The following NFAT5 variants were observed in gnomAD, a reference collection of about 807,000 sequenced individuals.
NFAT5 encodes nuclear factor of activated T cells 5.
In NFAT5, 31 loss-of-function variants were observed where a neutral mutation model predicts 166.5. That is an observed-to-expected ratio of 0.19 (90% CI 0.14 to 0.25). The LOEUF (loss-of-function observed/expected upper bound fraction) is 0.25. Ranked by LOEUF, NFAT5 falls within the 10% of genes least tolerant of loss-of-function variation. NFAT5 has a pLI of 1.00. For missense variants in NFAT5, 1,449 were observed against 1,821.8 expected (o/e 0.80, Z 3.72); for synonymous variants, 612 against 639.7 (o/e 0.96, Z 0.65).
At chr16:69,691,479 C>T (rs2037542529) in intron 12 of NFAT5, among the ~76,000 whole-genome samples, 1 of 152,112 alleles carries the variant, frequency 6.6e-6, no homozygotes, top group Admixed American at 6.5e-5. Context: ...TCTGATTACC[C>T]TTAATTCACC....
chr16:69,618,387 A>T (rs1224800202), intron 2 of NFAT5, among the ~76,000 whole-genome samples: 1 of 152,214 alleles, frequency 6.6e-6, no homozygotes. Context: ...GTTAAGACAG[A>T]GCATTACCTA....
chr16:69,607,265 C>G (rs2033460979), intron 2 of NFAT5, among the ~76,000 whole-genome samples: 1 of 152,188 alleles, frequency 6.6e-6, no homozygotes, highest in Admixed American at 6.5e-5. Context: ...GACATGCTGC[C>G]TACCTCTTAT....
At chr16:69,569,769 A>G (rs1391454957) in intron 2 of NFAT5, among the ~76,000 whole-genome samples, 1 of 152,224 alleles carries the variant, frequency 6.6e-6, no homozygotes, top group East Asian at 1.9e-4. Context: ...TTTAGAGCAT[A>G]TAAAATGTTC....
chr16:69,664,956 G>A (rs1339702005), intron 7 of NFAT5, among the ~76,000 whole-genome samples: 1 of 152,148 alleles, frequency 6.6e-6, no homozygotes. Flanking sequence ...GAACCTGGGA[G>A]GTGGAGGTTG....
At chr16:69,677,011 A>G in intron 9 of NFAT5, 192 bp from the exon 10 acceptor site, 1 of 527,896 alleles carries the variant, frequency 1.9e-6, no homozygotes, top group Non-Finnish European at 3.2e-6. Flanking sequence ...GCCATTATAA[A>G]ACACTTGGAT....
chr16:69,634,277 CAAAAAAAA>C (rs745354566), intron 3 of NFAT5, among the ~76,000 whole-genome samples: 1 of 84,966 alleles, frequency 1.2e-5, no homozygotes, highest in African/African-American at 4.0e-5. Flanking sequence ...TTCCGACTCA[CAAAAAAAA>C]AAAAAAAAAA....
At chr16:69,629,342 G>C (rs2034603448) in intron 3 of NFAT5, among the ~76,000 whole-genome samples, 1 of 152,088 alleles carries the variant, frequency 6.6e-6, no homozygotes, top group Non-Finnish European at 1.5e-5. Context: ...CACCAATTTA[G>C]ATTTTTTTCC....
intron 7 of NFAT5, among the ~76,000 whole-genome samples, chr16:69,664,337 A>G (rs1162970285): frequency 3.3e-5 from 5 of 151,920 alleles, no homozygotes; most frequent in South Asian, 2.1e-4. Flanking sequence ...CCCAGGCTGG[A>G]GTGCAGTGGC....
At chr16:69,636,276 C>T (rs2034962870) in intron 3 of NFAT5, among the ~76,000 whole-genome samples, 1 of 152,144 alleles carries the variant, frequency 6.6e-6, no homozygotes, top group African/African-American at 2.4e-5. Flanking sequence ...AGAGTATAGC[C>T]TCCCTTCCAG....
At position 69,647,536 on chromosome 16, in the gene NFAT5, G is replaced by A. The variant is rs759293299; in HGVS notation, c.762G>A (p.Val254=). ...ACAGTGCCAAAGCACCTCACTATGTGCTTTCTCAGCTTACCACGGACAACA... is the reference window on the plus strand; with the variant it reads ...ACAGTGCCAAAGCACCTCACTATGTACTTTCTCAGCTTACCACGGACAACA... ...DADSAKAPHY[V]LSQLTTDNKG... The change falls in exon 4 of 15, where the codon GTG becomes GTA. Residue 254 remains valine (V), a synonymous_variant. Coordinates refer to ENST00000349945, the MANE Select transcript of NFAT5 (RefSeq NM_138713.4). The surrounding 1 kb of genome is among the most constrained non-coding windows in gnomAD (Gnocchi z 4.8). 1 of 1,601,652 alleles carries A rather than the reference G, an allele frequency of 6.2e-7. No homozygotes were observed. The highest frequency in any genetic ancestry group is 2.2e-5 in the East Asian group (1 of 44,804).
chr16:69,682,381 G>A (rs2037102237), intron 10 of NFAT5, among the ~76,000 whole-genome samples: 1 of 150,826 alleles, frequency 6.6e-6, no homozygotes, highest in African/African-American at 2.4e-5. Context: ...GCCAAGGCAA[G>A]AGGATCACTT....
chr16:69,684,459 G>A (rs1238315888), intron 10 of NFAT5, among the ~76,000 whole-genome samples: 1 of 151,516 alleles, frequency 6.6e-6, no homozygotes, highest in Admixed American at 6.6e-5. Context: ...TACTCGGGAG[G>A]CTGAGGCAGA....
At chr16:69,623,885 A>G (rs1405888384) in intron 2 of NFAT5, among the ~76,000 whole-genome samples, 1 of 151,446 alleles carries the variant, frequency 6.6e-6, no homozygotes, top group South Asian at 2.1e-4. Context: ...AGATTCAATA[A>G]AAAGAGAAGA....
At chr16:69,667,513 A>C (rs2036448128) in intron 7 of NFAT5, among the ~76,000 whole-genome samples, 1 of 151,854 alleles carries the variant, frequency 6.6e-6, no homozygotes, top group African/African-American at 2.4e-5. Flanking sequence ...AAAAAAAAGA[A>C]AGTAACCGAC....
chr16:69,688,165 C>T (rs908893058), intron 11 of NFAT5, among the ~76,000 whole-genome samples: 1 of 139,000 alleles, frequency 7.2e-6, no homozygotes, highest in Non-Finnish European at 1.5e-5. Context: ...CACTGCAGTC[C>T]GCAGTCCCGC....
At chr16:69,670,401 A>T (rs1292387565) in intron 9 of NFAT5, 113 bp downstream of exon 9, 1 of 647,110 alleles carries the variant, frequency 1.5e-6, no homozygotes, top group African/African-American at 1.9e-5. Flanking sequence ...TGGGATTGAT[A>T]TGAATTATTT....
In NFAT5 at chr16:69,692,688, C is replaced by A; in HGVS notation, c.2863C>A (p.His955Asn). 6.2e-7 allele frequency: 1 copy of A among 1,614,222 alleles called. No homozygotes were observed. The highest frequency in any genetic ancestry group is 8.5e-7 in the Non-Finnish European group (1 of 1,180,044). ...QQSPVYQQTS[H>N]MMSALSTNED... ...ATCGCCAGTTTACCAGCAGACTTCT[C>A]ACATGATGAGTGCATTGTCTACCAA... The change falls in exon 13 of 15, where the codon CAC (histidine) becomes AAC (asparagine). Residue 955 changes from histidine to asparagine, a missense_variant. His to Asn is a moderately conservative substitution (Grantham distance 68, BLOSUM62 1). This residue lies in a region of NFAT5 where 891 missense variants were observed against 993.0 expected (regional missense o/e 0.90). Coordinates refer to ENST00000349945, the MANE Select transcript of NFAT5 (RefSeq NM_138713.4).
intron 2 of NFAT5, among the ~76,000 whole-genome samples, chr16:69,577,747 T>C (rs2142918521): frequency 6.6e-6 from 1 of 152,292 alleles, no homozygotes; most frequent in South Asian, 2.1e-4. Flanking sequence ...AAAAAACTCA[T>C]AGAACATTTA....
Position 69,693,147 on chromosome 16 carries a change from G to A in NFAT5, c.3322G>A (p.Gly1108Ser). The A allele has an allele frequency of 6.2e-7, 1 of 1,614,100 alleles. No homozygotes were observed. Among genetic ancestry groups the A allele is most frequent in the Non-Finnish European group, 8.5e-7 (1 of 1,180,032 alleles). ...DAQNLSQETQ[G>S]SLFHSPNPIV... ...TCAGAACCTTTCCCAGGAAACTCAAGGTTCTCTCTTTCATAGTCCAAATCC... is the reference window on the plus strand; with the variant it reads ...TCAGAACCTTTCCCAGGAAACTCAAAGTTCTCTCTTTCATAGTCCAAATCC... Residue 1108 changes from glycine (G) to serine (S), a missense_variant, in exon 13 of 15, where the codon GGT (glycine) becomes AGT (serine). Gly to Ser is a moderately conservative substitution (Grantham distance 56). Transcript: ENST00000349945.
Sources: allele counts gnomAD v4.1 joint callset (sites outside exome capture counted in the v4.1 genomes callset), GRCh38; gene constraint gnomAD v4.1.1; regional missense constraint gnomAD v4.1.1; non-coding constraint Gnocchi (gnomAD v3.1); transcripts MANE v1.5; gene names NCBI Gene and HGNC (gene_info 2026-07-23, HGNC 2026-07-21).